The following KCNC2 variants were observed in gnomAD, a reference collection of about 807,000 sequenced individuals.
KCNC2 encodes the protein voltage-gated potassium channel KCNC2.
A neutral mutation model predicts 44.5 loss-of-function variants in KCNC2; 21 were observed. The ratio of observed to expected loss-of-function variants is 0.47; its 90% CI spans 0.33 to 0.68. The LOEUF is 0.68. Ranked by LOEUF, KCNC2 falls within the 30% of genes least tolerant of loss-of-function variation. KCNC2 has a pLI of 0.01. For missense variants in KCNC2, 589 were observed against 826.2 expected, an observed-to-expected ratio of 0.71 and a Z score of 3.52; for synonymous variants, 391 against 339.1, an observed-to-expected ratio of 1.15 and a Z score of -1.68.
At chr12:75,206,656 C>T (rs1036235575) in intron 2 of KCNC2, among the ~76,000 whole-genome samples, 1 of 152,212 alleles carries the variant, frequency 6.6e-6, no homozygotes, top group Non-Finnish European at 1.5e-5. Flanking sequence ...TGTAAGTGGG[C>T]TCTCTGGTCA....
At chr12:75,132,578 T>C (rs1471050407) in intron 2 of KCNC2, among the ~76,000 whole-genome samples, 1 of 152,170 alleles carries the variant, frequency 6.6e-6, no homozygotes, top group Non-Finnish European at 1.5e-5. Context: ...GTGAAACATA[T>C]TGTTGGCAAA....
intron 2 of KCNC2, among the ~76,000 whole-genome samples, chr12:75,109,155 G>T (rs959262592): frequency 7.2e-5 from 11 of 152,132 alleles, no homozygotes. Context: ...TTTTAAAGTA[G>T]ATACTGCTTG....
intron 2 of KCNC2, among the ~76,000 whole-genome samples, chr12:75,188,288 T>C (rs1284491413): frequency 6.6e-6 from 1 of 152,198 alleles, no homozygotes; most frequent in Non-Finnish European, 1.5e-5. Context: ...AAATTTTGTG[T>C]ATAGGACTAA....
intron 2 of KCNC2, among the ~76,000 whole-genome samples, chr12:75,118,240 C>A (rs1228578626): frequency 6.6e-6 from 1 of 152,048 alleles, no homozygotes; most frequent in East Asian, 1.9e-4. Context: ...AGCACCATTA[C>A]AGAATAACCT....
intron 2 of KCNC2, among the ~76,000 whole-genome samples, chr12:75,084,191 T>C (rs918588823): frequency 2.0e-5 from 3 of 151,666 alleles, no homozygotes; most frequent in Admixed American, 2.0e-4. Context: ...AAAATAAAAA[T>C]CTTGTTCTCT....
Position 75,040,971 on chromosome 12 carries a change from A to T in KCNC2, c.*2134T>A. 1 of 673,276 alleles carries T rather than the reference A, an allele frequency of 1.5e-6. No individual in the cohort carries two copies. Among genetic ancestry groups the T allele is most frequent in the South Asian group, 1.7e-5 (1 of 58,732 alleles). The allele number at this position is 673,276 out of a possible 1,614,324, so 41.7% of individuals were successfully genotyped here. ...TGGTATTTACAGTTGTTTCATGGAC[A>T]CTGGCCAGTCTACAAGCAGAGCACT... is the stretch of plus-strand genomic sequence containing the variant. On this transcript the variant is annotated 3_prime_UTR_variant, in exon 5 of 5. Coordinates refer to ENST00000549446, the MANE Select transcript of KCNC2 (RefSeq NM_139137.4).
At chr12:75,201,899 G>A (rs747559083) in intron 2 of KCNC2, among the ~76,000 whole-genome samples, 2 of 151,814 alleles carry the variant, frequency 1.3e-5, no homozygotes, top group Non-Finnish European at 2.9e-5. Flanking sequence ...ACAGGTCTGT[G>A]TTTATCTTTA....
chr12:75,195,854 G>C (rs1335106031), intron 2 of KCNC2, among the ~76,000 whole-genome samples: 1 of 152,106 alleles, frequency 6.6e-6, no homozygotes, highest in African/African-American at 2.4e-5. Context: ...CTTCTCAAGA[G>C]AACTTGTCAA....
chr12:75,125,185 C>T (rs1888328358), intron 2 of KCNC2, among the ~76,000 whole-genome samples: 1 of 152,262 alleles, frequency 6.6e-6, no homozygotes, highest in Middle Eastern at 3.4e-3. Flanking sequence ...AGATGACTGA[C>T]ACATGTTCTA....
chr12:75,166,874 T>A (rs1891492685), intron 2 of KCNC2, among the ~76,000 whole-genome samples: 1 of 151,120 alleles, frequency 6.6e-6, no homozygotes, highest in African/African-American at 2.4e-5. Context: ...AATAAATAAC[T>A]TTCCACCCTA....
intron 2 of KCNC2, among the ~76,000 whole-genome samples, chr12:75,116,707 T>A (rs1177204236): frequency 6.6e-6 from 1 of 152,130 alleles, no homozygotes; most frequent in Non-Finnish European, 1.5e-5. Flanking sequence ...AAAGGCTGAT[T>A]AAAACGATGC....
At chr12:75,090,563 AC>A (rs1239747675) in intron 2 of KCNC2, among the ~76,000 whole-genome samples, 1 of 151,602 alleles carries the variant, frequency 6.6e-6, no homozygotes, top group African/African-American at 2.4e-5. Flanking sequence ...GCCACCAGTG[AC>A]CCCTTACAAG....
At chr12:75,190,443 C>T (rs1006057256) in intron 2 of KCNC2, among the ~76,000 whole-genome samples, 2 of 152,154 alleles carry the variant, frequency 1.3e-5, no homozygotes, top group African/African-American at 4.8e-5. Flanking sequence ...TTATGCTTTC[C>T]TTGGGGCCTT....
rs749208381 is a variant in KCNC2, at chr12:75,207,075, A to G, written c.687+222T>C. On this transcript the variant is annotated intron_variant, in intron 2 of 4. Coordinates refer to ENST00000549446, the MANE Select transcript of KCNC2 (RefSeq NM_139137.4). The surrounding 1 kb of genome is among the most constrained non-coding windows in gnomAD (Gnocchi z 4.1). ...CCATCTGCTAAAGCAAATCTGTTTG[A>G]GTTGGGAGAAGAGGAGGAGGAGAAA... Among the ~76,000 whole-genome samples, 1 of 152,122 alleles carries G rather than the reference A, an allele frequency of 6.6e-6. No individual in the cohort carries two copies.
At chr12:75,142,284 T>G (rs1180785334) in intron 2 of KCNC2, among the ~76,000 whole-genome samples, 3 of 152,186 alleles carry the variant, frequency 2.0e-5, no homozygotes, top group Non-Finnish European at 4.4e-5. Context: ...AAGACAATTG[T>G]GGTCCCAGAA....
At chr12:75,127,560 C>T (rs539632213) in intron 2 of KCNC2, among the ~76,000 whole-genome samples, 22 of 152,146 alleles carry the variant, frequency 1.4e-4, no homozygotes, top group East Asian at 5.8e-4. Context: ...GGCCAGGAGG[C>T]AAATAAAGGC....
At chr12:75,043,771 C>G in intron 4 of KCNC2, 1 of 1,510,772 alleles carries the variant, frequency 6.6e-7, no homozygotes, top group Non-Finnish European at 8.8e-7. Context: ...GCATTTGGTG[C>G]CATTATCCAG....
intron 2 of KCNC2, among the ~76,000 whole-genome samples, chr12:75,138,967 C>A (rs1365853889): frequency 1.0e-5 from 1 of 98,940 alleles, no homozygotes; most frequent in Non-Finnish European, 1.8e-5. Context: ...GGCCACAGAG[C>A]GAGACTCCGT....
intron 2 of KCNC2, among the ~76,000 whole-genome samples, chr12:75,129,611 T>G (rs1224176436): frequency 6.6e-6 from 1 of 152,088 alleles, no homozygotes; most frequent in Non-Finnish European, 1.5e-5. Flanking sequence ...ATACACAAGT[T>G]GAAATTGAGT....
Sources: gnomAD v4.1 joint callset for allele counts (sites outside exome capture counted in the v4.1 genomes callset) on GRCh38, gnomAD v4.1.1 for gene constraint, Gnocchi (gnomAD v3.1) non-coding constraint, MANE v1.5 for transcripts, NCBI Gene and HGNC (gene_info 2026-07-23, HGNC 2026-07-21) for gene names.